NR1I3: variants seen among roughly 807,000 people sequenced by gnomAD.
The protein encoded by NR1I3 is constitutive activator of retinoid response.
A neutral mutation model predicts 38.4 loss-of-function variants in NR1I3; 30 were observed. The observed-to-expected ratio is 0.78, with a 90% CI of 0.58 to 1.06. NR1I3 has a LOEUF of 1.06. NR1I3 is among the 50% of genes least tolerant of loss of function. The probability of loss-of-function intolerance (pLI) is 0.00; values close to 1 mark genes in which losing one functional copy is unlikely to be tolerated. For synonymous variants in NR1I3, 143 were observed against 165.1 expected (o/e 0.87, Z 1.03); for missense variants, 388 against 435.7 (o/e 0.89, Z 0.97).
chr1:161,230,437 T>C lies in NR1I3; in HGVS notation c.917+376A>G, dbSNP rs113148007. On this transcript the variant is annotated intron_variant, in intron 8 of 8. Coordinates refer to ENST00000367983, the MANE Select transcript of NR1I3 (RefSeq NM_005122.5). Reference sequence around the variant, plus strand: ...CAAGGGAAATGAGAAATCGAAGGAATTGGCCCAATGGCGAGGAGAGGAAAG... The same window carrying C: ...CAAGGGAAATGAGAAATCGAAGGAACTGGCCCAATGGCGAGGAGAGGAAAG... 2.5e-3 allele frequency: 1,077 copies of C among 428,188 alleles called. 10 individuals are homozygous for C. The highest frequency in any genetic ancestry group is 0.02 in the African/African-American group (997 of 48,820). 26.5% of individuals were successfully genotyped at this position (428,188 alleles called of 1,614,324 possible). A position where few individuals can be genotyped will look rare whatever the true frequency, so the allele number is the denominator to read the frequency against.
At chr1:161,235,410 G>C (rs906238781) in intron 3 of NR1I3, 3 of 155,072 alleles carry the variant, frequency 1.9e-5, no homozygotes, top group African/African-American at 7.3e-5. Context: ...GACTACAGGC[G>C]CCCGCCACTA....
intron 3 of NR1I3, 112 bp from the exon 4 acceptor site, chr1:161,233,450 A>T: frequency 1.8e-6 from 2 of 1,132,672 alleles, no homozygotes; most frequent in South Asian, 2.8e-5. Context: ...GGATGGGGGC[A>T]GTGGGGGGAA....
At position 161,230,804 on chromosome 1, in the gene NR1I3, C is replaced by A; in HGVS notation, c.917+9G>T. ...GTGTGGCCTCCAAGCCCTCAGTGTC[C>A]CACCGTACCGATCCCGGGGCCTTCG... On this transcript the variant is annotated intron_variant, in intron 8 of 8. Coordinates refer to ENST00000367983, the MANE Select transcript of NR1I3 (RefSeq NM_005122.5). 3 of 1,614,034 alleles carry A rather than the reference C, an allele frequency of 1.9e-6. No homozygotes were observed. Among genetic ancestry groups the A allele is most frequent in the Middle Eastern group, 3.3e-4 (2 of 6,062 alleles).
intron 2 of NR1I3, 160 bp from the exon 3 acceptor site, chr1:161,236,137 T>C: frequency 2.5e-6 from 2 of 800,946 alleles, no homozygotes; most frequent in South Asian, 3.7e-5. Context: ...ATCTCAAGCA[T>C]TTCCATGGCA....
chr1:161,231,161 T>C lies in NR1I3; in HGVS notation c.767A>G (p.Glu256Gly). 1 of 1,614,094 alleles carries C rather than the reference T, an allele frequency of 6.2e-7. No individual in the cohort carries two copies. Among genetic ancestry groups the C allele is most frequent in the Non-Finnish European group, 8.5e-7 (1 of 1,180,024 alleles). The change falls in exon 7 of 9, where the codon GAG becomes GGG. Residue 256 changes from glutamate to glycine, a missense_variant. Coordinates refer to ENST00000367983, the MANE Select transcript of NR1I3 (RefSeq NM_005122.5). ...HGTLRKLQLQ[E>G]PEYVLLAAMA... ...GGCAGCCAAGAGCACATACTCAGGC[T>C]CTTGGAGCTGCAGTTTTCGTAGTGT...
chr1:161,237,279 C>G (rs1047619052), intron 1 of NR1I3, among the ~76,000 whole-genome samples: 1 of 150,456 alleles, frequency 6.6e-6, no homozygotes, highest in African/African-American at 2.5e-5. Context: ...AATCTTGGCT[C>G]GCTACAACCT....
intron 7 of NR1I3, 68 bp downstream of exon 7, chr1:161,231,049 A>C: frequency 6.2e-7 from 1 of 1,613,614 alleles, no homozygotes; most frequent in Non-Finnish European, 8.5e-7. Context: ...GGGTGGATGG[A>C]CTCAAGGAGC....
At chr1:161,235,325 C>T (rs1410577160) in intron 3 of NR1I3, 3 of 117,660 alleles carry the variant, frequency 2.5e-5, no homozygotes, top group Non-Finnish European at 4.9e-5. Context: ...AGTGCAGTGG[C>T]GCGATCTCGG....
intron 8 of NR1I3, 83 bp downstream of exon 8, chr1:161,230,730 A>G (rs746543790): frequency 6.3e-7 from 1 of 1,589,558 alleles, no homozygotes. Flanking sequence ...AGGACAGTAA[A>G]AAAACATTCC....
rs781053597 is a variant in NR1I3 at position 161,233,325 on chromosome 1, T to C, written c.252A>G (p.Ala84=). The C allele has an allele frequency of 6.2e-7, 1 of 1,613,740 alleles. No homozygotes were observed. The highest frequency in any genetic ancestry group is 2.2e-5 in the East Asian group (1 of 44,882). The change falls in exon 4 of 9, where the codon GCA becomes GCG. Residue 84 remains alanine, a synonymous_variant. Coordinates refer to ENST00000367983, the MANE Select transcript of NR1I3 (RefSeq NM_005122.5). ...TTGCTCGCCGCAATGCCAGGGCTTC[T>C]GCCGACAGTATCACTGTGCCAGGCA... The part of the protein sequence containing the change: ...AGMRKDMILS[A]EALALRRAKQ...
chr1:161,236,410 T>C lies in NR1I3; in HGVS notation c.107+49A>G, dbSNP rs767609193. 4 of 1,609,722 alleles carry C rather than the reference T, an allele frequency of 2.5e-6. No individual in the cohort carries two copies. In the Admixed American group the frequency reaches 6.7e-5, roughly 27 times the overall value. On this transcript the variant is annotated intron_variant, in intron 2 of 8. Coordinates refer to ENST00000367983, the MANE Select transcript of NR1I3 (RefSeq NM_005122.5). ...CAGCGAGGGTGTAAAGGCTGACTAA[T>C]AGGGAGTTTGGTTTGGAGGGCTATT...
rs778879440 is a variant in NR1I3 at position 161,233,210 on chromosome 1, G to C, written c.367C>G (p.Arg123Gly). Residue 123 changes from arginine to glycine, a missense_variant, in exon 4 of 9, where the codon CGC (arginine) becomes GGC (glycine). Coordinates refer to ENST00000367983, the MANE Select transcript of NR1I3 (RefSeq NM_005122.5). Reference protein sequence around the residue: ...LIRTLLGAHTRHMGTMFEQFV... With the variant: ...LIRTLLGAHTGHMGTMFEQFV... ...TGTTCAAACATGGTGCCCATGTGGC[G>C]GGTGTGGGCCCCCAGGAGTGTCCGG... 6.2e-7 allele frequency: 1 copy of C among 1,614,210 alleles called. No homozygotes were observed.
chr1:161,236,089 G>T, intron 2 of NR1I3, 112 bp from the exon 3 acceptor site: 1 of 1,250,372 alleles, frequency 8.0e-7, no homozygotes, highest in Non-Finnish European at 1.1e-6. Context: ...AATCTGAGCT[G>T]TGCCCAAAGG....
In NR1I3 at chr1:161,232,872, G is replaced by A. The variant is rs773871551; in HGVS notation, c.483C>T (p.Phe161=). 5.0e-6 allele frequency: 8 copies of A among 1,614,236 alleles called. No homozygotes were observed. The Admixed American group carries it at 5.0e-5, about 10-fold the overall frequency. ...LAPVLPLVTH[F]ADINTFMVLQ... ...GTACCATGAAAGTGTTGATGTCTGC[G>A]AAGTGTGTGACCAGAGGCAGCACAG... The change falls in exon 5 of 9, where the codon TTC becomes TTT. Residue 161 remains phenylalanine (F), a synonymous_variant. Coordinates refer to ENST00000367983, the MANE Select transcript of NR1I3 (RefSeq NM_005122.5).
intron 3 of NR1I3, among the ~76,000 whole-genome samples, chr1:161,234,973 C>T (rs1262849627): frequency 6.6e-6 from 1 of 152,048 alleles, no homozygotes; most frequent in East Asian, 1.9e-4. Context: ...AAGCTCATCT[C>T]TACTAAAAAT....
intron 2 of NR1I3, 152 bp downstream of exon 2, chr1:161,236,307 G>T: frequency 2.3e-6 from 2 of 885,800 alleles, no homozygotes; most frequent in Non-Finnish European, 3.4e-6. Flanking sequence ...TGATGTGTTT[G>T]GCAAGATGTA....
At chr1:161,233,873 GTGTGTGTGTGTGTGTATA>G (rs1352373694) in intron 3 of NR1I3, among the ~76,000 whole-genome samples, 7 of 144,122 alleles carry the variant, frequency 4.9e-5, no homozygotes, top group African/African-American at 1.6e-4. Context: ...GTGTGTGTGT[GTGTGTGTGTGTGTGTATA>G]TGTGTGTGTA....
chr1:161,233,839 G>A (rs1381563468), intron 3 of NR1I3, among the ~76,000 whole-genome samples: 462 of 16,810 alleles, frequency 0.027, 3 homozygotes, highest in African/African-American at 0.095. Context: ...ATATATATAT[G>A]TGTGTGTGTG....
At chr1:161,233,943 A>G (rs371784973) in intron 3 of NR1I3, among the ~76,000 whole-genome samples, 1 of 144,088 alleles carries the variant, frequency 6.9e-6, no homozygotes, top group South Asian at 2.3e-4. Flanking sequence ...ATACATGTAT[A>G]TATGTGTATA....
Sources: gnomAD v4.1 joint callset for allele counts (sites outside exome capture counted in the v4.1 genomes callset) on GRCh38, gnomAD v4.1.1 for gene constraint, MANE v1.5 for transcripts, NCBI Gene and HGNC (gene_info 2026-07-23, HGNC 2026-07-21) for gene names.